The following SORCS3 variants were observed in gnomAD, a reference collection of about 807,000 sequenced individuals.
SORCS3 encodes the protein VPS10 domain-containing receptor SorCS3.
Under a neutral mutation model 146.3 loss-of-function variants are expected in SORCS3, and 57 were observed. The observed-to-expected ratio is 0.39, with a 90% CI of 0.31 to 0.49. SORCS3 has a LOEUF of 0.49. Among genes scored for constraint, SORCS3 ranks in the 20% least tolerant of loss-of-function variants. The pLI is 0.92. For missense variants in SORCS3, 1,341 were observed against 1,575.5 expected, an observed-to-expected ratio of 0.85 and a Z score of 2.52; for synonymous variants, 653 against 618.5, an observed-to-expected ratio of 1.06 and a Z score of -0.83.
chr10:104,984,385 G>A (rs756648901), intron 4 of SORCS3, among the ~76,000 whole-genome samples: 10 of 152,022 alleles, frequency 6.6e-5, no homozygotes, highest in Non-Finnish European at 1.2e-4. Flanking sequence ...CCAGTGTCGG[G>A]TATTATATTT....
At chr10:104,819,236 G>A (rs541912833) in intron 1 of SORCS3, among the ~76,000 whole-genome samples, 55 of 152,220 alleles carry the variant, frequency 3.6e-4, no homozygotes, top group African/African-American at 1.1e-3. Context: ...TTCCCAGAGT[G>A]TACATAATGC....
intron 2 of SORCS3, among the ~76,000 whole-genome samples, chr10:104,879,491 T>A (rs559794022): frequency 1.3e-5 from 2 of 152,332 alleles, no homozygotes; most frequent in African/African-American, 4.8e-5. Flanking sequence ...GATCTCAATA[T>A]CTTTACTCTC....
chr10:104,880,435 A>G (rs563362168), intron 2 of SORCS3, among the ~76,000 whole-genome samples: 1 of 152,010 alleles, frequency 6.6e-6, no homozygotes, highest in Non-Finnish European at 1.5e-5. Context: ...AAAATCTGCT[A>G]GTTGGTATTG....
chr10:105,035,778 T>C (rs919974170), intron 4 of SORCS3, among the ~76,000 whole-genome samples: 29 of 152,208 alleles, frequency 1.9e-4, no homozygotes, highest in African/African-American at 7.0e-4. Context: ...CAAGTGCTTA[T>C]AGTAATTTTT....
At position 105,016,438 on chromosome 10, in the gene SORCS3, TG is replaced by T. The variant is rs563691344; in HGVS notation, c.955-26616del. Among the ~76,000 whole-genome samples, 580 of 152,022 alleles carry T rather than the reference TG, an allele frequency of 3.8e-3. 4 individuals carry two copies. The highest frequency in any genetic ancestry group is 0.01 in the Middle Eastern group (3 of 290). On this transcript the variant is annotated intron_variant, in intron 4 of 26. Transcript: ENST00000369701. ...TGCTGGGATTACAGGTGTGAGCCAC[TG>T]TGCCTGGCCTTATAAATATATATTT...
At chr10:104,783,622 A>C (rs2017399550) in intron 1 of SORCS3, among the ~76,000 whole-genome samples, 2 of 152,140 alleles carry the variant, frequency 1.3e-5, no homozygotes, top group African/African-American at 4.8e-5. Context: ...AGCTACTCAG[A>C]AGGCTGAGGT....
chr10:105,067,321 G>A (rs1276132053), intron 5 of SORCS3, among the ~76,000 whole-genome samples: 1 of 152,240 alleles, frequency 6.6e-6, no homozygotes, highest in Non-Finnish European at 1.5e-5. Flanking sequence ...GAGGTCAGGA[G>A]TTCAGGACCA....
intron 3 of SORCS3, among the ~76,000 whole-genome samples, chr10:104,965,890 G>A (rs2054823717): frequency 6.6e-6 from 1 of 152,050 alleles, no homozygotes; most frequent in South Asian, 2.1e-4. Context: ...TAATATAATG[G>A]ATTAGGGTGG....
chr10:104,974,297 T>C (rs1350348197), intron 3 of SORCS3, among the ~76,000 whole-genome samples: 2 of 152,178 alleles, frequency 1.3e-5, no homozygotes, highest in Non-Finnish European at 2.9e-5. Context: ...CAGTGGGGTG[T>C]TAAAGTCTCC....
intron 5 of SORCS3, among the ~76,000 whole-genome samples, chr10:105,054,312 T>C (rs867557630): frequency 1.5e-3 from 235 of 152,044 alleles, no homozygotes; most frequent in African/African-American, 5.5e-3. Context: ...TTTATTATTT[T>C]ATGTTTATCA....
At chr10:105,060,032 C>G (rs1006256485) in intron 5 of SORCS3, among the ~76,000 whole-genome samples, 3 of 152,188 alleles carry the variant, frequency 2.0e-5, no homozygotes, top group Non-Finnish European at 4.4e-5. Context: ...GTTGAGACAA[C>G]TGGACAAATG....
intron 1 of SORCS3, among the ~76,000 whole-genome samples, chr10:104,744,170 G>A (rs2016882015): frequency 6.6e-6 from 1 of 152,152 alleles, no homozygotes; most frequent in Non-Finnish European, 1.5e-5. Flanking sequence ...CTTCTCCTTT[G>A]CCTCTGTCAT....
intron 8 of SORCS3, among the ~76,000 whole-genome samples, chr10:105,140,328 C>T (rs1330931646): frequency 6.7e-6 from 1 of 149,928 alleles, no homozygotes; most frequent in Non-Finnish European, 1.5e-5. Context: ...TTAATTTATG[C>T]ATGCGTGTAT....
chr10:104,694,511 G>A (rs2016150942), intron 1 of SORCS3, among the ~76,000 whole-genome samples: 1 of 151,918 alleles, frequency 6.6e-6, no homozygotes, highest in Non-Finnish European at 1.5e-5. Context: ...TTTAAGTATT[G>A]GCAGCTAAGC....
chr10:105,101,720 A>C (rs1589633231), intron 6 of SORCS3, among the ~76,000 whole-genome samples: 1 of 152,154 alleles, frequency 6.6e-6, no homozygotes, highest in African/African-American at 2.4e-5. Context: ...GAGAGAGTGA[A>C]TAGTAAATAG....
At chr10:105,026,889 C>A (rs1271892032) in intron 4 of SORCS3, among the ~76,000 whole-genome samples, 1 of 152,150 alleles carries the variant, frequency 6.6e-6, no homozygotes, top group Non-Finnish European at 1.5e-5. Flanking sequence ...ATGCTCCCTG[C>A]TTGGGTGATG....
chr10:104,645,333 T>G (rs1418355013), intron 1 of SORCS3, among the ~76,000 whole-genome samples: 1 of 152,232 alleles, frequency 6.6e-6, no homozygotes, highest in Non-Finnish European at 1.5e-5. Context: ...CACATTATTC[T>G]GTCCTTTTCC....
At chr10:104,820,273 A>G (rs2017857994) in intron 1 of SORCS3, among the ~76,000 whole-genome samples, 1 of 152,208 alleles carries the variant, frequency 6.6e-6, no homozygotes. Flanking sequence ...AAATGGGAAC[A>G]ATAGTAATCA....
chr10:104,798,396 A>G (rs1348988557), intron 1 of SORCS3, among the ~76,000 whole-genome samples: 1 of 152,132 alleles, frequency 6.6e-6, no homozygotes, highest in Non-Finnish European at 1.5e-5. Context: ...TTTTTCTTCT[A>G]TAAACCCCAT....
Sources: gnomAD v4.1 joint callset for allele counts (sites outside exome capture counted in the v4.1 genomes callset) on GRCh38, gnomAD v4.1.1 for gene constraint, MANE v1.5 for transcripts, NCBI Gene and HGNC (gene_info 2026-07-23, HGNC 2026-07-21) for gene names.